The following NCALD variants were observed in gnomAD, a reference collection of about 807,000 sequenced individuals.
NCALD encodes neurocalcin-delta.
Under a neutral mutation model 18.6 loss-of-function variants are expected in NCALD, and 10 were observed. The observed-to-expected ratio is 0.54, with a 90% CI of 0.33 to 0.91. The LOEUF is 0.91. Ranked by LOEUF, NCALD falls within the 40% of genes least tolerant of loss-of-function variation. The probability of loss-of-function intolerance (pLI) is 0.03; values close to 1 mark genes in which losing one functional copy is unlikely to be tolerated. For missense variants in NCALD, 184 were observed against 247.6 expected (o/e 0.74, Z 1.72); for synonymous variants, 88 against 87.4 (o/e 1.01, Z -0.04).
chr8:101,736,407 C>T (rs1042566100), intron 1 of NCALD, among the ~76,000 whole-genome samples: 3 of 152,160 alleles, frequency 2.0e-5, no homozygotes, highest in Non-Finnish European at 4.4e-5. Flanking sequence ...AGGAAAGGAA[C>T]AGAATTCCTA....
intron 3 of NCALD, among the ~76,000 whole-genome samples, chr8:101,899,575 C>G (rs1817341135): frequency 1.3e-5 from 2 of 151,818 alleles, no homozygotes; most frequent in Non-Finnish European, 3.0e-5. Context: ...TCTTATTTCT[C>G]TAAGTTTTTG....
chr8:101,841,151 T>G (rs1353384232), intron 4 of NCALD, among the ~76,000 whole-genome samples: 1 of 152,222 alleles, frequency 6.6e-6, no homozygotes, highest in African/African-American at 2.4e-5. Flanking sequence ...TTTCTAATTT[T>G]AGTCTGCACA....
At chr8:102,070,421 C>T (rs1185958161) in intron 1 of NCALD, among the ~76,000 whole-genome samples, 1 of 151,924 alleles carries the variant, frequency 6.6e-6, no homozygotes, top group Non-Finnish European at 1.5e-5. Context: ...CTATTATTTT[C>T]TGTCACTTTC....
chr8:102,006,073 G>A (rs1241140653), intron 2 of NCALD, among the ~76,000 whole-genome samples: 2 of 151,100 alleles, frequency 1.3e-5, no homozygotes, highest in Admixed American at 6.6e-5. Context: ...GGAAAAAAAA[G>A]CACTGTTTTA....
intron 2 of NCALD, among the ~76,000 whole-genome samples, chr8:101,967,064 C>T (rs933963559): frequency 1.3e-5 from 2 of 152,116 alleles, no homozygotes; most frequent in Non-Finnish European, 1.5e-5. Flanking sequence ...AGTTGGAATG[C>T]TTGATGAAGG....
intron 2 of NCALD, among the ~76,000 whole-genome samples, chr8:101,943,287 A>G (rs1169330447): frequency 1.3e-5 from 2 of 152,172 alleles, no homozygotes; most frequent in Non-Finnish European, 2.9e-5. Context: ...AACTTTACCA[A>G]CAACCAGTTG....
At chr8:101,840,962 CTT>C (rs1814620577) in intron 4 of NCALD, among the ~76,000 whole-genome samples, 2 of 152,108 alleles carry the variant, frequency 1.3e-5, no homozygotes, top group Non-Finnish European at 2.9e-5. Context: ...TATTAAAAAG[CTT>C]TAATTTAACA....
At chr8:101,874,041 T>C (rs1413922824) in intron 4 of NCALD, among the ~76,000 whole-genome samples, 1 of 152,210 alleles carries the variant, frequency 6.6e-6, no homozygotes, top group African/African-American at 2.4e-5. Context: ...CAAACATGAT[T>C]CCTTCTAAAT....
chr8:101,799,954 T>G (rs544710220), intron 4 of NCALD, among the ~76,000 whole-genome samples: 1 of 152,336 alleles, frequency 6.6e-6, no homozygotes, highest in Non-Finnish European at 1.5e-5. Flanking sequence ...TCTCTCTGTA[T>G]TATTCTTACA....
chr8:101,921,024 C>A (rs1818146118), intron 2 of NCALD, among the ~76,000 whole-genome samples: 2 of 152,004 alleles, frequency 1.3e-5, no homozygotes, highest in African/African-American at 4.8e-5. Flanking sequence ...GATTAGTTAG[C>A]CTGCGAAAGG....
chr8:102,042,066 T>C (rs1292964772), intron 1 of NCALD, among the ~76,000 whole-genome samples: 1 of 151,964 alleles, frequency 6.6e-6, no homozygotes, highest in Non-Finnish European at 1.5e-5. Context: ...CTAGCAAAGC[T>C]TGGTCTAGGC....
intron 1 of NCALD, among the ~76,000 whole-genome samples, chr8:101,776,593 C>A (rs1220486116): frequency 6.6e-6 from 1 of 152,048 alleles, no homozygotes; most frequent in Non-Finnish European, 1.5e-5. Flanking sequence ...AGCAGCAGAG[C>A]TTGTTGGCTG....
chr8:101,991,551 G>A (rs568847994), intron 2 of NCALD, among the ~76,000 whole-genome samples: 1 of 152,274 alleles, frequency 6.6e-6, no homozygotes, highest in South Asian at 2.1e-4. Context: ...ACCAATTCAT[G>A]TGTCTGAGTT....
chr8:101,933,717 T>C (rs1440459539), intron 2 of NCALD, among the ~76,000 whole-genome samples: 3 of 152,092 alleles, frequency 2.0e-5, no homozygotes, highest in Non-Finnish European at 4.4e-5. Context: ...TCATCGATCC[T>C]AAAGGACCTG....
intron 3 of NCALD, among the ~76,000 whole-genome samples, chr8:101,900,759 TTTTATGG>T (rs1817390414): frequency 1.3e-5 from 2 of 151,994 alleles, no homozygotes; most frequent in Admixed American, 6.6e-5. Flanking sequence ...TTGAGGTTTG[TTTTATGG>T]TTTATGGTAT....
intron 1 of NCALD, among the ~76,000 whole-genome samples, chr8:102,036,594 G>C (rs1454844080): frequency 6.6e-6 from 1 of 151,978 alleles, no homozygotes; most frequent in East Asian, 1.9e-4. Context: ...GGCTAACATG[G>C]TGAAACCCCA....
intron 4 of NCALD, chr8:101,847,316 C>T (rs985205634): frequency 3.2e-5 from 8 of 252,660 alleles, no homozygotes; most frequent in African/African-American, 1.1e-4. Context: ...ATCTCACACA[C>T]GCACATGAAC....
At chr8:101,941,806 A>G (rs1818968408) in intron 2 of NCALD, among the ~76,000 whole-genome samples, 1 of 152,214 alleles carries the variant, frequency 6.6e-6, no homozygotes. Flanking sequence ...GATATCAGCT[A>G]TTTTACAGTC....
chr8:101,997,695 T>C (rs2132010572), intron 2 of NCALD, among the ~76,000 whole-genome samples: 1 of 152,328 alleles, frequency 6.6e-6, no homozygotes, highest in Non-Finnish European at 1.5e-5. Flanking sequence ...ACTGGTCTAT[T>C]TTCAGCTCTA....
Sources: allele counts gnomAD v4.1 joint callset (sites outside exome capture counted in the v4.1 genomes callset), GRCh38; gene constraint gnomAD v4.1.1; transcripts MANE v1.5; gene names NCBI Gene and HGNC (gene_info 2026-07-23, HGNC 2026-07-21).